Variants in ICE1 observed in about 807,000 individuals in gnomAD.
ICE1 encodes little elongation complex subunit 1.
A neutral mutation model predicts 192.7 loss-of-function variants in ICE1; 64 were observed. The ratio of observed to expected loss-of-function variants is 0.33; its 90% CI spans 0.27 to 0.41. The LOEUF (loss-of-function observed/expected upper bound fraction) is 0.41, where lower values mean the gene tolerates loss of function less well. ICE1 is among the 10% of genes least tolerant of loss of function. The pLI is 1.00. For missense variants in ICE1, 2,708 were observed against 2,696.0 expected, an observed-to-expected ratio of 1.00 and a Z score of -0.10; for synonymous variants, 1,010 against 984.5, an observed-to-expected ratio of 1.03 and a Z score of -0.49.
chr5:5,476,077 T>C lies in ICE1; in HGVS notation c.6518T>C (p.Ile2173Thr). ...DIIIASILRLIGRLGQLGLKE... is the reference protein window; with the variant it reads ...DIIIASILRLTGRLGQLGLKE... ...ATTATAGCCTCAATACTGAGGCTGATTGGTAAGTTGTCTGTTTTATTATTG... is the reference window on the plus strand; with the variant it reads ...ATTATAGCCTCAATACTGAGGCTGACTGGTAAGTTGTCTGTTTTATTATTG... The change falls in exon 17 of 19, where the codon ATT becomes ACT. Residue 2173 changes from isoleucine to threonine, a missense_variant and splice_region_variant. Around this residue, in one of 2 missense-constraint regions of ICE1, gnomAD observed 342 missense variants for 419.3 expected, o/e 0.82. Coordinates refer to ENST00000296564, the MANE Select transcript of ICE1 (RefSeq NM_015325.3). 1.3e-6 allele frequency: 2 copies of C among 1,523,508 alleles called. No individual in the cohort carries two copies. Among genetic ancestry groups the C allele is most frequent in the Non-Finnish European group, 1.8e-6 (2 of 1,115,042 alleles). 94.4% of individuals were successfully genotyped at this position (1,523,508 alleles called of 1,614,324 possible).
chr5:5,446,363 T>C (rs2111354464), intron 7 of ICE1, among the ~76,000 whole-genome samples: 1 of 152,126 alleles, frequency 6.6e-6, no homozygotes, highest in South Asian at 2.1e-4. Flanking sequence ...GGTGCAGTCA[T>C]GGCTTACTGC....
intron 1 of ICE1, among the ~76,000 whole-genome samples, chr5:5,429,417 G>T (rs1366753167): frequency 6.6e-6 from 1 of 152,128 alleles, no homozygotes; most frequent in Non-Finnish European, 1.5e-5. Context: ...GTGTTCTCAG[G>T]CCTGCTGGGT....
chr5:5,454,611 C>T lies in ICE1; in HGVS notation c.664C>T (p.Pro222Ser), dbSNP rs1738533734. 1 of 1,613,506 alleles carries T rather than the reference C, an allele frequency of 6.2e-7. No individual in the cohort carries two copies. The highest frequency in any genetic ancestry group is 8.5e-7 in the Non-Finnish European group (1 of 1,179,638). The change falls in exon 11 of 19, where the codon CCT becomes TCT. Residue 222 changes from proline to serine, a missense_variant. Pro to Ser is a moderately conservative substitution (Grantham distance 74, BLOSUM62 -1). Transcript: ENST00000296564. ...CTGTGTAAACACAACACACAGACTA[C>T]CTGGTGAAGGCAGCAGGTGTGTCCC... ...WLCVNTTHRLPGEGSRCVPEK... is the reference protein window; with the variant it reads ...WLCVNTTHRLSGEGSRCVPEK...
chr5:5,447,539 T>A (rs1230241659), intron 8 of ICE1, 30 bp downstream of exon 8: 2 of 1,495,708 alleles, frequency 1.3e-6, no homozygotes, highest in East Asian at 2.5e-5. Context: ...TACACACACC[T>A]TAAATACGTG....
chr5:5,483,958 G>C (rs1006824463), intron 17 of ICE1, among the ~76,000 whole-genome samples: 2 of 152,164 alleles, frequency 1.3e-5, no homozygotes, highest in African/African-American at 2.4e-5. Context: ...CTTCTAATTA[G>C]TGTTTATTAG....
chr5:5,475,211 T>C (rs1739274514), intron 16 of ICE1, among the ~76,000 whole-genome samples: 1 of 152,116 alleles, frequency 6.6e-6, no homozygotes, highest in Admixed American at 6.5e-5. Flanking sequence ...TCATCAAACA[T>C]GAGGATCTCC....
At chr5:5,468,277 G>A (rs1739049238) in intron 14 of ICE1, among the ~76,000 whole-genome samples, 1 of 152,192 alleles carries the variant, frequency 6.6e-6, no homozygotes, top group Non-Finnish European at 1.5e-5. Context: ...GAGCACGAGA[G>A]CGAGAGAAGT....
At chr5:5,474,407 A>G (rs1739254488) in intron 16 of ICE1, among the ~76,000 whole-genome samples, 1 of 152,186 alleles carries the variant, frequency 6.6e-6, no homozygotes, top group East Asian at 1.9e-4. Flanking sequence ...CAGTGCCCAC[A>G]CAAGGGGAGC....
chr5:5,465,907 A>G (rs1164354465), intron 13 of ICE1, among the ~76,000 whole-genome samples: 1 of 152,224 alleles, frequency 6.6e-6, no homozygotes, highest in Non-Finnish European at 1.5e-5. Context: ...GTTACTTAGT[A>G]TTTTAAATTT....
intron 17 of ICE1, among the ~76,000 whole-genome samples, chr5:5,477,978 C>T (rs965636781): frequency 4.6e-5 from 7 of 152,016 alleles, no homozygotes; most frequent in African/African-American, 1.7e-4. Context: ...TGGAACATAA[C>T]ATAATTAGAG....
At position 5,466,364 on chromosome 5, in the gene ICE1, C is replaced by G; in HGVS notation, c.5923C>G (p.Leu1975Val). 1.9e-6 allele frequency: 3 copies of G among 1,611,308 alleles called. No homozygotes were observed. In the African/African-American group the frequency reaches 4.0e-5, roughly 22 times the overall value. Residue 1975 changes from leucine to valine, a missense_variant, in exon 14 of 19, where the codon CTC (leucine) becomes GTC (valine). This residue lies in a region of ICE1 where 342 missense variants were observed against 419.3 expected (regional missense o/e 0.82). Transcript: ENST00000296564. ...HLAECLLHSI[L>V]SELKIQKISM... is the part of the protein sequence containing the mutation. ...AGCAGAGTGCTTGCTTCACTCTATT[C>G]TCTCAGAACTAAAAATTCAGAAGAT...
At chr5:5,434,953 CA>C (rs1737826679) in intron 1 of ICE1, among the ~76,000 whole-genome samples, 1 of 152,184 alleles carries the variant, frequency 6.6e-6, no homozygotes, top group Non-Finnish European at 1.5e-5. Flanking sequence ...TGTGAATTGA[CA>C]GTTTATATCC....
At chr5:5,483,682 A>G (rs931350528) in intron 17 of ICE1, among the ~76,000 whole-genome samples, 15 of 152,196 alleles carry the variant, frequency 9.9e-5, no homozygotes, top group African/African-American at 3.6e-4. Context: ...AGTGGAGTGT[A>G]AATCTGTAGA....
chr5:5,446,443 C>T (rs772781214), intron 7 of ICE1, among the ~76,000 whole-genome samples: 3 of 151,376 alleles, frequency 2.0e-5, no homozygotes, highest in South Asian at 2.1e-4. Context: ...GTGTGCACCA[C>T]GACACCCGAC....
intron 17 of ICE1, among the ~76,000 whole-genome samples, chr5:5,479,197 C>T (rs534482990): frequency 6.6e-6 from 1 of 152,234 alleles, no homozygotes; most frequent in Admixed American, 6.5e-5. Flanking sequence ...GCAATCTATC[C>T]ATCTGACAAA....
chr5:5,468,852 C>A lies in ICE1; in HGVS notation c.6086C>A (p.Thr2029Asn). ...GATTTTCCGGAGTCTGAAAAATTAA[C>A]TTTGTTTATTGCAAACATGTGGCAT... ...KEDFPESEKL[T>N]LFIANMWHDI... Residue 2029 changes from threonine to asparagine, a missense_variant, in exon 15 of 19, where the codon ACT becomes AAT. Physicochemically the swap from Thr to Asn is moderately conservative, Grantham distance 65. Transcript: ENST00000296564. 6.3e-7 allele frequency: 1 copy of A among 1,585,184 alleles called. No homozygotes were observed. The highest frequency in any genetic ancestry group is 8.6e-7 in the Non-Finnish European group (1 of 1,168,038).
chr5:5,454,341 A>G (rs1738524677), intron 10 of ICE1, among the ~76,000 whole-genome samples: 1 of 152,168 alleles, frequency 6.6e-6, no homozygotes, highest in Admixed American at 6.5e-5. Context: ...AAAAAAGCAA[A>G]CAAAAGTACC....
At chr5:5,487,568 G>A (rs1374013579) in intron 18 of ICE1, among the ~76,000 whole-genome samples, 1 of 152,194 alleles carries the variant, frequency 6.6e-6, no homozygotes, top group East Asian at 1.9e-4. Flanking sequence ...TCTCATTTAA[G>A]CTGCTTTATC....
chr5:5,489,044 C>T, intron 18 of ICE1, 105 bp from the exon 19 acceptor site: 2 of 918,700 alleles, frequency 2.2e-6, no homozygotes, highest in African/African-American at 1.7e-5. Context: ...TCATTGCTGG[C>T]AGAAAGCATT....
Sources: allele counts gnomAD v4.1 joint callset (sites outside exome capture counted in the v4.1 genomes callset), GRCh38; gene constraint gnomAD v4.1.1; regional missense constraint gnomAD v4.1.1; transcripts MANE v1.5; gene names NCBI Gene and HGNC (gene_info 2026-07-23, HGNC 2026-07-21).